Variants in BRD4 observed in about 807,000 individuals in gnomAD.
BRD4 encodes bromodomain containing 4.
BRD4 carries 16 observed loss-of-function variants against 142.1 expected under a neutral mutation model. The observed-to-expected ratio is 0.11, with a 90% CI of 0.08 to 0.17. The LOEUF (loss-of-function observed/expected upper bound fraction) is 0.17, where lower values mean the gene tolerates loss of function less well. BRD4 is among the 10% of genes least tolerant of loss of function. The pLI is 1.00. For synonymous variants in BRD4, 833 were observed against 707.5 expected (o/e 1.18, Z -2.82); for missense variants, 1,424 against 1,810.9 (o/e 0.79, Z 3.88).
At position 15,237,017 on chromosome 19, in the gene BRD4, TAAAA is replaced by T. The variant is rs762817978; in HGVS notation, c.*1356_*1359del. 12 of 119,418 alleles carry T rather than the reference TAAAA, an allele frequency of 1.0e-4. No homozygotes were observed. Among genetic ancestry groups the T allele is most frequent in the East Asian group, 3.2e-4 (3 of 9,380 alleles). The allele number at this position is 119,418 out of a possible 1,614,324, so 7.4% of individuals were successfully genotyped here. On this transcript the variant is annotated 3_prime_UTR_variant, in exon 20 of 20. Transcript: ENST00000679869. The stretch of plus-strand genomic sequence containing the variant: ...CACCAGGGGCTCCAATTATAAAAAT[TAAAA>T]AAAAAAAAAAAAAAAAGCATGGGCA...
chr19:15,307,124 A>T (rs1446360056), intron 1 of BRD4, among the ~76,000 whole-genome samples: 2 of 152,246 alleles, frequency 1.3e-5, no homozygotes, highest in Non-Finnish European at 2.9e-5. Context: ...CAGGAAGCAG[A>T]GGTGACTGAA....
Position 15,244,381 on chromosome 19 carries a change from G to T in BRD4, c.2431C>A (p.Gln811Lys). The change falls in exon 13 of 20, where the codon CAG becomes AAG. Residue 811 changes from glutamine (Q) to lysine (K), a missense_variant. Gln to Lys is a moderately conservative substitution (Grantham distance 53). This residue lies in a region of BRD4 where 598 missense variants were observed against 647.8 expected (regional missense o/e 0.92). Transcript: ENST00000679869. ...GGGTCAAAGACGCTGCCTGGGAGCT[G>T]GGGCTCCAGGACGGGCACCTGGGTG... is the stretch of plus-strand genomic sequence containing the variant. Reference protein sequence around the residue: ...IATQVPVLEPQLPGSVFDPIG... With the variant: ...IATQVPVLEPKLPGSVFDPIG... The T allele has an allele frequency of 6.2e-7, 1 of 1,605,300 alleles. No individual in the cohort carries two copies.
intron 1 of BRD4, among the ~76,000 whole-genome samples, chr19:15,304,534 G>A (rs1257018312): frequency 1.3e-5 from 2 of 152,218 alleles, no homozygotes; most frequent in Non-Finnish European, 2.9e-5. Flanking sequence ...TGCCCTGCCA[G>A]GGGATGTGCT....
At chr19:15,246,571 G>A (rs1298426557) in intron 11 of BRD4, 2 of 152,400 alleles carry the variant, frequency 1.3e-5, no homozygotes, top group Non-Finnish European at 2.9e-5. Flanking sequence ...AGGATATGCT[G>A]GGGCTCGCCT....
chr19:15,329,188 T>C (rs1002658279), intron 1 of BRD4, among the ~76,000 whole-genome samples: 1 of 151,988 alleles, frequency 6.6e-6, no homozygotes, highest in Admixed American at 6.6e-5. Context: ...ACCTCGCAAA[T>C]GTACACTCTT....
Position 15,306,870 on chromosome 19 carries a change from A to C in BRD4, c.-35+25420T>G, listed in dbSNP as rs901760172. Among the ~76,000 whole-genome samples the C allele has an allele frequency of 7.2e-5, 11 of 152,332 alleles. No homozygotes were observed. The East Asian group carries it at 1.9e-3, about 27-fold the overall frequency. On this transcript the variant is annotated intron_variant, in intron 1 of 19. Transcript: ENST00000679869. ...ATCATAACAGATATAATAGTCTGAAACGTTGGTCACATTACCAAAATGTGA... is the reference window on the plus strand; with the variant it reads ...ATCATAACAGATATAATAGTCTGAACCGTTGGTCACATTACCAAAATGTGA...
At chr19:15,325,080 C>T (rs1048388295) in intron 1 of BRD4, among the ~76,000 whole-genome samples, 3 of 152,146 alleles carry the variant, frequency 2.0e-5, no homozygotes, top group Non-Finnish European at 4.4e-5. Flanking sequence ...CACTTCTATT[C>T]TTCACCTTGG....
In BRD4 at chr19:15,257,325, G is replaced by A. The variant is rs1298272076; in HGVS notation, c.1342-152C>T. ...CCTGTCTCTTTGCTGCCGAGACAGG[G>A]GCAAGGGCCAGCCAAGGGCCTCTGA... On this transcript the variant is annotated intron_variant, in intron 7 of 19. Coordinates refer to ENST00000679869, the MANE Select transcript of BRD4 (RefSeq NM_001379291.1). The A allele has an allele frequency of 1.1e-5, 8 of 722,628 alleles. No individual in the cohort carries two copies. In the East Asian group the frequency reaches 1.9e-4, roughly 18 times the overall value. 44.8% of individuals were successfully genotyped at this position (722,628 alleles called of 1,614,324 possible). A position where few individuals can be genotyped will look rare whatever the true frequency, so the allele number is the denominator to read the frequency against.
At chr19:15,278,105 C>CAAAAAAAAAA (rs59204229) in intron 1 of BRD4, among the ~76,000 whole-genome samples, 5 of 55,038 alleles carry the variant, frequency 9.1e-5, no homozygotes, top group African/African-American at 1.3e-4. Flanking sequence ...GACTCCGTCT[C>CAAAAAAAAAA]AAAAAAAAAA....
At chr19:15,274,960 G>C (rs2047630138) in intron 1 of BRD4, among the ~76,000 whole-genome samples, 1 of 151,952 alleles carries the variant, frequency 6.6e-6, no homozygotes, top group Non-Finnish European at 1.5e-5. Flanking sequence ...CCAGGGTCAA[G>C]TGATTCTCCC....
chr19:15,260,565 A>C lies in BRD4; in HGVS notation c.1341+2855T>G, dbSNP rs961777633. Among the ~76,000 whole-genome samples, 4 of 152,294 alleles carry C rather than the reference A, an allele frequency of 2.6e-5. 1 individual carries two copies. The highest frequency in any genetic ancestry group is 2.6e-4 in the Admixed American group (4 of 15,310). On this transcript the variant is annotated intron_variant, in intron 7 of 19. Transcript: ENST00000679869. ...CACTGGCAGAGAGGTGTCCCTCCCA[A>C]GGGCAGGCGAAACAGGCTGGGCCAG... is the stretch of plus-strand genomic sequence containing the variant.
At chr19:15,260,798 C>CAA (rs34986127) in intron 7 of BRD4, among the ~76,000 whole-genome samples, 1,834 of 77,776 alleles carry the variant, frequency 0.024, 33 homozygotes, top group African/African-American at 0.077. Flanking sequence ...GAGAAAAATG[C>CAA]AAAAAAAAAA....
chr19:15,253,825 C>T (rs745904226), intron 11 of BRD4: 1 of 1,517,524 alleles, frequency 6.6e-7, no homozygotes, highest in Non-Finnish European at 8.9e-7. Context: ...AGCCTGGACC[C>T]CCACGCCCAC....
intron 1 of BRD4, among the ~76,000 whole-genome samples, chr19:15,330,949 C>T (rs1224373516): frequency 6.6e-6 from 1 of 152,100 alleles, no homozygotes; most frequent in East Asian, 1.9e-4. Flanking sequence ...CCCCAAAGAG[C>T]CACTGGCTTA....
At chr19:15,321,451 T>C (rs2144993305) in intron 1 of BRD4, among the ~76,000 whole-genome samples, 1 of 151,560 alleles carries the variant, frequency 6.6e-6, no homozygotes, top group Middle Eastern at 3.4e-3. Flanking sequence ...GGCAAGCCAG[T>C]TAAGCATTCC....
At chr19:15,263,601 G>T in intron 6 of BRD4, 53 bp from the exon 7 acceptor site, 1 of 1,603,398 alleles carries the variant, frequency 6.2e-7, no homozygotes, top group Non-Finnish European at 8.5e-7. Context: ...TGACCATGGA[G>T]AAGTGGCTGG....
chr19:15,273,156 C>T, intron 1 of BRD4, 23 bp from the exon 2 acceptor site: 1 of 1,524,906 alleles, frequency 6.6e-7, no homozygotes, highest in Non-Finnish European at 8.8e-7. Flanking sequence ...AGAAGAGCCC[C>T]CGTGAGATAT....
Position 15,309,351 on chromosome 19 carries a change from A to C in BRD4, c.-35+22939T>G, listed in dbSNP as rs1008396152. ...AGACTCCACCTCCAAAAAAAAAAAA[A>C]AAAAACCAACAAACTGTCAATCTCT... On this transcript the variant is annotated intron_variant, in intron 1 of 19. Coordinates refer to ENST00000679869, the MANE Select transcript of BRD4 (RefSeq NM_001379291.1). Among the ~76,000 whole-genome samples the C allele has an allele frequency of 3.9e-5, 6 of 152,052 alleles. No homozygotes were observed. In the East Asian group the frequency reaches 1.2e-3, roughly 29 times the overall value.
chr19:15,292,654 T>C (rs1030491589), intron 1 of BRD4, among the ~76,000 whole-genome samples: 7 of 151,354 alleles, frequency 4.6e-5, no homozygotes, highest in African/African-American at 1.7e-4. Flanking sequence ...GGCGGGCACC[T>C]GTAGTCCCAG....
Sources: allele counts gnomAD v4.1 joint callset (sites outside exome capture counted in the v4.1 genomes callset), GRCh38; gene constraint gnomAD v4.1.1; regional missense constraint gnomAD v4.1.1; transcripts MANE v1.5; gene names NCBI Gene and HGNC (gene_info 2026-07-23, HGNC 2026-07-21).